Variants in ANO3 observed in about 807,000 individuals in gnomAD.
ANO3 encodes anoctamin-3.
ANO3 carries 99 observed loss-of-function variants against 144.8 expected under a neutral mutation model. The observed-to-expected ratio is 0.68, with a 90% CI of 0.58 to 0.81. The LOEUF (loss-of-function observed/expected upper bound fraction) is 0.81. Ranked by LOEUF, ANO3 falls within the 30% of genes least tolerant of loss-of-function variation. The pLI, the probability that ANO3 is intolerant of heterozygous loss-of-function variation, is 0.00. For synonymous variants in ANO3, 414 were observed against 392.6 expected (o/e 1.05, Z -0.64); for missense variants, 905 against 1,202.2 (o/e 0.75, Z 3.66).
chr11:26,208,512 C>CAAA (rs67196052), intron 1 of ANO3, among the ~76,000 whole-genome samples: 11 of 121,682 alleles, frequency 9.0e-5, no homozygotes, highest in African/African-American at 3.8e-4. Flanking sequence ...GACTCCGTCT[C>CAAA]AAAAAAAAAA....
rs370022760 is a variant in ANO3 at position 26,571,960 on chromosome 11, T to C, written c.1447+12181T>C. 32 of 542,586 alleles carry C rather than the reference T, an allele frequency of 5.9e-5. No homozygotes were observed. The East Asian group carries it at 1.2e-3, about 20-fold the overall frequency. The allele number at this position is 542,586 out of a possible 1,614,324, so 33.6% of individuals were successfully genotyped here. A position where few individuals can be genotyped will look rare whatever the true frequency, so the allele number is the denominator to read the frequency against. ...AAAGTTGAGACCACTGCGATTCTCT[T>C]TGGTAAATAATCAAGGAAGAGAGAG... is the stretch of plus-strand genomic sequence containing the variant. On this transcript the variant is annotated intron_variant, in intron 14 of 26. Transcript: ENST00000256737.
intron 3 of ANO3, among the ~76,000 whole-genome samples, chr11:26,451,429 T>C (rs1380237543): frequency 6.6e-6 from 1 of 152,194 alleles, no homozygotes; most frequent in South Asian, 2.1e-4. Context: ...CACCAGGAGA[T>C]TAAATCCTGC....
At chr11:26,320,249 C>T (rs901478144) in intron 1 of ANO3, among the ~76,000 whole-genome samples, 2 of 152,192 alleles carry the variant, frequency 1.3e-5, no homozygotes, top group Admixed American at 6.5e-5. Flanking sequence ...TCTAATTACT[C>T]CTAAACAAAA....
chr11:26,315,703 A>ATCTT, intron 1 of ANO3, among the ~76,000 whole-genome samples: 1 of 151,502 alleles, frequency 6.6e-6, no homozygotes, highest in African/African-American at 2.4e-5. Context: ...CTATCTATCT[A>ATCTT]TCTATCTACC....
intron 4 of ANO3, among the ~76,000 whole-genome samples, chr11:26,466,371 C>G (rs904537571): frequency 1.3e-5 from 2 of 151,908 alleles, no homozygotes; most frequent in African/African-American, 4.8e-5. Flanking sequence ...TTTCCTGTAT[C>G]CACTCTATTT....
intron 1 of ANO3, among the ~76,000 whole-genome samples, chr11:26,204,145 G>A (rs1303362030): frequency 6.6e-6 from 1 of 152,012 alleles, no homozygotes; most frequent in Admixed American, 6.6e-5. Context: ...CACCCCCTCT[G>A]GGGAGCTTGG....
At chr11:26,428,486 G>A (rs1857985189) in intron 1 of ANO3, among the ~76,000 whole-genome samples, 1 of 152,138 alleles carries the variant, frequency 6.6e-6, no homozygotes, top group Non-Finnish European at 1.5e-5. Context: ...AGAACAAGTA[G>A]AGCAATATTT....
At chr11:26,260,624 TAAC>T (rs1853165892) in intron 1 of ANO3, among the ~76,000 whole-genome samples, 2 of 152,162 alleles carry the variant, frequency 1.3e-5, no homozygotes, top group African/African-American at 4.8e-5. Flanking sequence ...ATCCTGATCT[TAAC>T]CAAGGTATGT....
intron 1 of ANO3, among the ~76,000 whole-genome samples, chr11:26,280,915 G>C (rs902309026): frequency 6.6e-6 from 1 of 152,112 alleles, no homozygotes; most frequent in African/African-American, 2.4e-5. Flanking sequence ...TGGGAAGCTG[G>C]ACATACATGC....
At chr11:26,605,362 G>A (rs1851906535) in intron 17 of ANO3, among the ~76,000 whole-genome samples, 2 of 151,694 alleles carry the variant, frequency 1.3e-5, no homozygotes, top group African/African-American at 2.4e-5. Flanking sequence ...TCACACCAAT[G>A]TCAGGGATAT....
At chr11:26,440,766 G>T (rs545315279) in intron 1 of ANO3, among the ~76,000 whole-genome samples, 25 of 152,130 alleles carry the variant, frequency 1.6e-4, no homozygotes, top group Non-Finnish European at 2.6e-4. Context: ...ATCTAAGGAG[G>T]ATATTAAGTG....
At chr11:26,281,451 C>T (rs192914054) in intron 1 of ANO3, among the ~76,000 whole-genome samples, 224 of 152,238 alleles carry the variant, frequency 1.5e-3, no homozygotes, top group African/African-American at 4.7e-3. Flanking sequence ...TTTTTATTAG[C>T]TAAGAACCTG....
At chr11:26,409,699 T>G (rs943426573) in intron 1 of ANO3, among the ~76,000 whole-genome samples, 1 of 152,032 alleles carries the variant, frequency 6.6e-6, no homozygotes, top group African/African-American at 2.4e-5. Flanking sequence ...TACTTTTTTC[T>G]TATCAGATTA....
intron 7 of ANO3, among the ~76,000 whole-genome samples, chr11:26,527,181 T>C (rs1849184499): frequency 2.0e-5 from 3 of 152,228 alleles, no homozygotes; most frequent in Non-Finnish European, 4.4e-5. Context: ...GTATACTAAA[T>C]CCTAACGAAA....
intron 14 of ANO3, among the ~76,000 whole-genome samples, chr11:26,569,953 C>G (rs1850754319): frequency 6.6e-6 from 1 of 152,038 alleles, no homozygotes; most frequent in South Asian, 2.1e-4. Flanking sequence ...CTTTTTGCAT[C>G]TGGGTGGTAG....
intron 1 of ANO3, among the ~76,000 whole-genome samples, chr11:26,223,172 G>A (rs1299684100): frequency 6.6e-6 from 1 of 151,962 alleles, no homozygotes; most frequent in East Asian, 1.9e-4. Context: ...GTCGTTAGAA[G>A]CAGCCATGCA....
At chr11:26,292,930 G>A (rs11029494) in intron 1 of ANO3, among the ~76,000 whole-genome samples, 3,251 of 152,148 alleles carry the variant, frequency 0.021, 57 homozygotes, top group East Asian at 0.12. Context: ...CTCAAACTCC[G>A]TGCTGGGAGA....
intron 1 of ANO3, among the ~76,000 whole-genome samples, chr11:26,200,899 CTTGA>C (rs756844811): frequency 6.6e-6 from 1 of 152,072 alleles, no homozygotes; most frequent in Non-Finnish European, 1.5e-5. Flanking sequence ...CTGAACCTTC[CTTGA>C]TTAACACCCC....
intron 1 of ANO3, among the ~76,000 whole-genome samples, chr11:26,289,397 A>G (rs1457833348): frequency 6.6e-6 from 1 of 151,074 alleles, no homozygotes; most frequent in African/African-American, 2.4e-5. Context: ...AACCTAAAAC[A>G]TATTTGGCAC....
Sources: gnomAD v4.1 joint callset for allele counts (sites outside exome capture counted in the v4.1 genomes callset) on GRCh38, gnomAD v4.1.1 for gene constraint, MANE v1.5 for transcripts, NCBI Gene and HGNC (gene_info 2026-07-23, HGNC 2026-07-21) for gene names.